AFG1L: variants seen among roughly 807,000 people sequenced by gnomAD.
AFG1L encodes the protein AFG1-like ATPase.
A neutral mutation model predicts 62.2 loss-of-function variants in AFG1L; 53 were observed. The observed-to-expected ratio is 0.85, with a 90% confidence interval of 0.68 to 1.07. AFG1L has a LOEUF of 1.07. Among genes scored for constraint, AFG1L ranks in the 50% least tolerant of loss-of-function variants. The pLI, the probability that AFG1L is intolerant of heterozygous loss-of-function variation, is 0.00. For missense variants in AFG1L, 555 were observed against 590.5 expected (o/e 0.94, Z 0.62); for synonymous variants, 228 against 210.3 (o/e 1.08, Z -0.73).
chr6:108,429,068 A>G (rs1382181835), intron 7 of AFG1L, among the ~76,000 whole-genome samples: 3 of 152,162 alleles, frequency 2.0e-5, no homozygotes. Flanking sequence ...TTTTCAAACC[A>G]TCTTGAGTTG....
rs1410699655 is a variant in AFG1L at position 108,431,875 on chromosome 6, C to T, written c.808-15339C>T. On this transcript the variant is annotated intron_variant, in intron 7 of 12. Coordinates refer to ENST00000368977, the MANE Select transcript of AFG1L (RefSeq NM_145315.5). ...CTGGGATTATAGGCATGAGCCATTG[C>T]GCTCAGCCCGGCCCTCACCTTTCTT... 4.6e-5 allele frequency among the ~76,000 whole-genome samples: 7 copies of T among 151,774 alleles called. No homozygotes were observed. The East Asian group carries it at 5.8e-4, about 13-fold the overall frequency.
At chr6:108,476,641 C>G (rs1003947048) in intron 8 of AFG1L, among the ~76,000 whole-genome samples, 1 of 152,166 alleles carries the variant, frequency 6.6e-6, no homozygotes, top group Admixed American at 6.5e-5. Context: ...CTGGAAACAG[C>G]TAGAAGCACA....
At chr6:108,394,557 T>A (rs528169330) in intron 6 of AFG1L, among the ~76,000 whole-genome samples, 1 of 152,336 alleles carries the variant, frequency 6.6e-6, no homozygotes, top group East Asian at 1.9e-4. Flanking sequence ...GAGTTTTATA[T>A]AAATGGAGTC....
At chr6:108,483,456 G>A (rs72938691) in intron 10 of AFG1L, among the ~76,000 whole-genome samples, 13,926 of 152,106 alleles carry the variant, frequency 0.092, 742 homozygotes, top group South Asian at 0.25. Context: ...CTTGCTTTAG[G>A]CTTAAACTTT....
At chr6:108,374,016 T>C (rs1780133743) in intron 6 of AFG1L, among the ~76,000 whole-genome samples, 1 of 152,210 alleles carries the variant, frequency 6.6e-6, no homozygotes. Flanking sequence ...TTTTACTTTT[T>C]AATACAAGCC....
intron 10 of AFG1L, among the ~76,000 whole-genome samples, chr6:108,501,998 T>C (rs1774224047): frequency 6.6e-6 from 1 of 152,224 alleles, no homozygotes; most frequent in Non-Finnish European, 1.5e-5. Context: ...TGTAGTGTTT[T>C]TACTGTTATA....
chr6:108,496,876 C>CT (rs1232745731), intron 10 of AFG1L, among the ~76,000 whole-genome samples: 1 of 152,074 alleles, frequency 6.6e-6, no homozygotes, highest in Non-Finnish European at 1.5e-5. Flanking sequence ...TTGCATTATG[C>CT]TTTTTCACTT....
chr6:108,441,201 A>G lies in AFG1L; in HGVS notation c.808-6013A>G, dbSNP rs562074805. Among the ~76,000 whole-genome samples the G allele has an allele frequency of 1.6e-3, 240 of 152,294 alleles. 1 individual carries two copies. Among genetic ancestry groups the G allele is most frequent in the Non-Finnish European group, 2.6e-3 (178 of 68,014 alleles). On this transcript the variant is annotated intron_variant, in intron 7 of 12. Transcript: ENST00000368977. ...GATGGAGTAGAAGCTATATAAAGTT[A>G]TTTTGTGAGATGGCTGTTTTTCTAA... is the stretch of plus-strand genomic sequence containing the variant.
At position 108,296,674 on chromosome 6, in the gene AFG1L, C is replaced by G. The variant is rs1776778466; in HGVS notation, c.139+1456C>G. ...TAGTAGCTTGGAGATCATTCCATAT[C>G]AATACCATATCAATTTCATATGAAT... is the stretch of plus-strand genomic sequence containing the variant. On this transcript the variant is annotated intron_variant, in intron 1 of 12. Transcript: ENST00000368977. Among the ~76,000 whole-genome samples, 3 of 152,112 alleles carry G rather than the reference C, an allele frequency of 2.0e-5. No individual in the cohort carries two copies. In the South Asian group the frequency reaches 6.2e-4, roughly 32 times the overall value.
At chr6:108,334,548 T>TA (rs916526600) in intron 2 of AFG1L, among the ~76,000 whole-genome samples, 17 of 110,570 alleles carry the variant, frequency 1.5e-4, no homozygotes, top group South Asian at 5.7e-4. Flanking sequence ...ATTAAAAAAT[T>TA]AAAAAAAAAA....
At chr6:108,370,964 T>A (rs1779976227) in intron 6 of AFG1L, among the ~76,000 whole-genome samples, 1 of 151,674 alleles carries the variant, frequency 6.6e-6, no homozygotes, top group Non-Finnish European at 1.5e-5. Flanking sequence ...TGGAGTGGAG[T>A]GTCTTGGAAG....
In AFG1L at chr6:108,525,312, T is replaced by C. The variant is rs1775284656; in HGVS notation, c.*2887T>C. ...TGAGCTTATTTGCTGATATCACTAA[T>C]CCTGAGATGAAAAACAGGATGGACT... On this transcript the variant is annotated 3_prime_UTR_variant, in exon 13 of 13. Transcript: ENST00000368977. 1 of 152,236 alleles carries C rather than the reference T, an allele frequency of 6.6e-6. No homozygotes were observed. Among genetic ancestry groups the C allele is most frequent in the South Asian group, 2.1e-4 (1 of 4,834 alleles). The allele number at this position is 152,236 out of a possible 1,614,324, so 9.4% of individuals were successfully genotyped here.
At chr6:108,351,591 G>A (rs539434158) in intron 3 of AFG1L, among the ~76,000 whole-genome samples, 3 of 152,260 alleles carry the variant, frequency 2.0e-5, no homozygotes, top group East Asian at 1.9e-4. Context: ...GCTAGGACCC[G>A]AGTACAATGT....
In AFG1L at chr6:108,487,320, A is replaced by G. The variant is rs543048625; in HGVS notation, c.1062+10028A>G. Among the ~76,000 whole-genome samples, 37 of 152,196 alleles carry G rather than the reference A, an allele frequency of 2.4e-4. 1 individual carries two copies. The South Asian group carries it at 6.8e-3, about 28-fold the overall frequency. On this transcript the variant is annotated intron_variant, in intron 10 of 12. Coordinates refer to ENST00000368977, the MANE Select transcript of AFG1L (RefSeq NM_145315.5). ...TTCTTGGCTGTCCTGTGCTATGATC[A>G]TGTCTGAGGATAGTCAAGGCACTCC... is the stretch of plus-strand genomic sequence containing the variant.
intron 6 of AFG1L, among the ~76,000 whole-genome samples, chr6:108,397,034 T>G (rs1007255970): frequency 2.0e-5 from 3 of 152,130 alleles, no homozygotes; most frequent in Non-Finnish European, 4.4e-5. Flanking sequence ...TTTTTTGTTT[T>G]TGTTTGTTTT....
At chr6:108,507,770 T>G (rs1484388814) in intron 10 of AFG1L, among the ~76,000 whole-genome samples, 2 of 152,238 alleles carry the variant, frequency 1.3e-5, no homozygotes, top group Non-Finnish European at 2.9e-5. Flanking sequence ...AGAGTCTTAA[T>G]GTATGAGTTT....
At chr6:108,318,106 A>T (rs776118904) in intron 1 of AFG1L, 8 of 161,464 alleles carry the variant, frequency 5.0e-5, no homozygotes, top group Admixed American at 1.3e-4. Flanking sequence ...AACCCTCTAG[A>T]CTTTCTGTAA....
At chr6:108,376,142 G>A (rs1780237405) in intron 6 of AFG1L, among the ~76,000 whole-genome samples, 1 of 152,068 alleles carries the variant, frequency 6.6e-6, no homozygotes, top group Non-Finnish European at 1.5e-5. Context: ...GTATTTCTGT[G>A]GGATTGGTTG....
chr6:108,318,390 GTGT>G, intron 1 of AFG1L: 1 of 302,288 alleles, frequency 3.3e-6, no homozygotes, highest in Non-Finnish European at 6.5e-6. Flanking sequence ...GAAAGGCCAA[GTGT>G]TGATCTAGTT....
Sources: gnomAD v4.1 joint callset for allele counts (sites outside exome capture counted in the v4.1 genomes callset) on GRCh38, gnomAD v4.1.1 for gene constraint, MANE v1.5 for transcripts, NCBI Gene and HGNC (gene_info 2026-07-23, HGNC 2026-07-21) for gene names.